Variants in BPIFA1 observed in about 807,000 individuals in gnomAD.
The protein encoded by BPIFA1 is BPI fold containing family A member 1.
A neutral mutation model predicts 25.1 loss-of-function variants in BPIFA1; 24 were observed. The ratio of observed to expected loss-of-function variants is 0.96; its 90% CI spans 0.69 to 1.35. BPIFA1 has a LOEUF of 1.35. Among genes scored for constraint, BPIFA1 ranks in the 40% most tolerant of loss-of-function variants. The probability of loss-of-function intolerance (pLI) is 0.00; values close to 1 mark genes in which losing one functional copy is unlikely to be tolerated. For missense variants in BPIFA1, 344 were observed against 303.7 expected (o/e 1.13, Z -0.99); for synonymous variants, 139 against 131.8 (o/e 1.05, Z -0.37).
chr20:33,238,147 G>T lies in BPIFA1; in HGVS notation c.253G>T (p.Gly85Cys), dbSNP rs1978788287. The change falls in exon 3 of 9, where the codon GGT (glycine) becomes TGT (cysteine). Residue 85 changes from glycine to cysteine, a missense_variant. Gly to Cys is a radical substitution (Grantham distance 159, BLOSUM62 -3). Transcript: ENST00000354297. ...CCTGAAGCCTGGAGGAGGTACTTCT[G>T]GTGGCCTCCTTGGGGGACTGCTTGG... is the stretch of plus-strand genomic sequence containing the variant. ...DILKPGGGTS[G>C]GLLGGLLGKV... 1.2e-6 allele frequency: 2 copies of T among 1,613,832 alleles called. No homozygotes were observed. Among genetic ancestry groups the T allele is most frequent in the Non-Finnish European group, 1.7e-6 (2 of 1,179,936 alleles).
chr20:33,241,953 T>G (rs920227427), intron 6 of BPIFA1, 103 bp from the exon 7 acceptor site: 2 of 1,053,914 alleles, frequency 1.9e-6, no homozygotes, highest in African/African-American at 1.6e-5. Context: ...AGAATCACTT[T>G]CACACAGAAA....
rs150989115 is a variant in BPIFA1, at chr20:33,239,848, G to A, written c.366G>A (p.Gln122=). The change falls in exon 4 of 9, where the codon CAG becomes CAA. Residue 122 remains glutamine (Q), a synonymous_variant. Transcript: ENST00000354297. ...DPQLLELGLV[Q]SPDGHRLYVT... The stretch of plus-strand genomic sequence containing the variant: ...AGCTGCTGGAACTTGGCCTTGTGCA[G>A]AGCCCTGATGGCCACCGTCTCTATG... 2.0e-5 allele frequency: 33 copies of A among 1,614,198 alleles called. No individual in the cohort carries two copies. The African/African-American group carries it at 4.1e-4, about 20-fold the overall frequency.
At position 33,239,572 on chromosome 20, in the gene BPIFA1, A is replaced by G. The variant is rs1328615765; in HGVS notation, c.321-231A>G. Among the ~76,000 whole-genome samples the G allele has an allele frequency of 2.0e-5, 3 of 152,154 alleles. No individual in the cohort carries two copies. In the East Asian group the frequency reaches 5.8e-4, roughly 29 times the overall value. ...GTCCTGAATACCTCATAGACTGGAGATAAGGAAAGGGCCCTGTGTGTGTGT... is the reference window on the plus strand; with the variant it reads ...GTCCTGAATACCTCATAGACTGGAGGTAAGGAAAGGGCCCTGTGTGTGTGT... On this transcript the variant is annotated intron_variant, in intron 3 of 8. Coordinates refer to ENST00000354297, the MANE Select transcript of BPIFA1 (RefSeq NM_130852.3).
chr20:33,237,622 C>T (rs1978739144), intron 1 of BPIFA1, 75 bp from the exon 2 acceptor site: 7 of 1,238,194 alleles, frequency 5.7e-6, no homozygotes, highest in East Asian at 2.8e-5. Flanking sequence ...CCCCACCCCC[C>T]AGGTGTCAGG....
Position 33,241,454 on chromosome 20 carries a change from G to C in BPIFA1, c.651G>C (p.Glu217Asp). 1 of 1,613,974 alleles carries C rather than the reference G, an allele frequency of 6.2e-7. No homozygotes were observed. The highest frequency in any genetic ancestry group is 1.1e-5 in the South Asian group (1 of 91,082). The change falls in exon 6 of 9, where the codon GAG becomes GAC. Residue 217 changes from glutamate (E) to aspartate (D), a missense_variant. By Grantham distance (45) the Glu-to-Asp change is conservative. Coordinates refer to ENST00000354297, the MANE Select transcript of BPIFA1 (RefSeq NM_130852.3). ...LTGILNKVLP[E>D]LVQGNVCPLV... is the part of the protein sequence containing the mutation. ...GGATCTTGAATAAAGTCCTGCCTGA[G>C]TTGGTTCAGGGCAACGTAAGTAGGC...
In BPIFA1 at chr20:33,242,557, A is replaced by G. The variant is rs779992912; in HGVS notation, c.*30A>G. ...TCCAGGAAGGGGCTGGCCTCTGCTGAGCTGGTAAGTGCCCTTCCCCACACC... is the reference window on the plus strand; with the variant it reads ...TCCAGGAAGGGGCTGGCCTCTGCTGGGCTGGTAAGTGCCCTTCCCCACACC... On this transcript the variant is annotated 3_prime_UTR_variant, in exon 8 of 9. Transcript: ENST00000354297. The G allele has an allele frequency of 5.6e-6, 9 of 1,611,524 alleles. No individual in the cohort carries two copies. The East Asian group carries it at 1.6e-4, about 28-fold the overall frequency.
intron 5 of BPIFA1, among the ~76,000 whole-genome samples, chr20:33,241,088 T>C (rs571607962): frequency 6.6e-6 from 1 of 152,374 alleles, no homozygotes; most frequent in East Asian, 1.9e-4. Flanking sequence ...TGGATCATAA[T>C]GACAACTACA....
At chr20:33,240,680 T>TAGAC (rs1402040472) in intron 5 of BPIFA1, among the ~76,000 whole-genome samples, 1 of 146,132 alleles carries the variant, frequency 6.8e-6, no homozygotes, top group Non-Finnish European at 1.5e-5. Flanking sequence ...GATAGATAGA[T>TAGAC]AGATAGATAA....
rs768693887 is a variant in BPIFA1, at chr20:33,238,237, T to C, written c.320+23T>C. On this transcript the variant is annotated intron_variant, in intron 3 of 8. Coordinates refer to ENST00000354297, the MANE Select transcript of BPIFA1 (RefSeq NM_130852.3). ...TGAGTGAGTTGTCCTAAAATAGAGC[T>C]TTGATCTCCACCAGGGAACCCCAGG... 10 of 1,597,682 alleles carry C rather than the reference T, an allele frequency of 6.3e-6. No homozygotes were observed. The East Asian group carries it at 6.7e-5, about 11-fold the overall frequency.
At position 33,240,276 on chromosome 20, in the gene BPIFA1, G is replaced by C. The variant is rs1978897019; in HGVS notation, c.472G>C (p.Asp158His). The C allele has an allele frequency of 6.2e-7, 1 of 1,614,156 alleles. No individual in the cohort carries two copies. Among genetic ancestry groups the C allele is most frequent in the Non-Finnish European group, 8.5e-7 (1 of 1,180,022 alleles). The change falls in exon 5 of 9, where the codon GAC (aspartate) becomes CAC (histidine). Residue 158 changes from aspartate to histidine, a missense_variant. Asp to His is a moderately conservative substitution (Grantham distance 81). Coordinates refer to ENST00000354297, the MANE Select transcript of BPIFA1 (RefSeq NM_130852.3). ...TCTGTTGAGGCTGGCTGTGAAGCTG[G>C]ACATCACTGCAGAAATCTTAGCTGT... ...ASLLRLAVKL[D>H]ITAEILAVRD...
At chr20:33,238,879 CCCAGGGTCTCACT>C (rs1978823974) in intron 3 of BPIFA1, among the ~76,000 whole-genome samples, 1 of 152,202 alleles carries the variant, frequency 6.6e-6, no homozygotes, top group Admixed American at 6.5e-5. Context: ...ATCCTACCCA[CCCAGGGTCTCACT>C]CCCTGACTTG....
chr20:33,238,254 A>G lies in BPIFA1; in HGVS notation c.320+40A>G, dbSNP rs73904645. ...AATAGAGCTTTGATCTCCACCAGGG[A>G]ACCCCAGGTGAAGATCTGCCAGCCC... On this transcript the variant is annotated intron_variant, in intron 3 of 8. Coordinates refer to ENST00000354297, the MANE Select transcript of BPIFA1 (RefSeq NM_130852.3). 6.8e-5 allele frequency: 107 copies of G among 1,575,922 alleles called. No individual in the cohort carries two copies. The African/African-American group carries it at 1.3e-3, about 19-fold the overall frequency.
Position 33,240,312 on chromosome 20 carries a change from C to G in BPIFA1, c.508C>G (p.Gln170Glu). Residue 170 changes from glutamine (Q) to glutamate (E), a missense_variant, in exon 5 of 9, where the codon CAG becomes GAG. Gln to Glu is a conservative substitution (Grantham distance 29). Transcript: ENST00000354297. ...AGAAATCTTAGCTGTGAGAGATAAG[C>G]AGGAGAGGATCCACCTGGTCCTTGG... ...TAEILAVRDK[Q>E]ERIHLVLGDC... 6.2e-7 allele frequency: 1 copy of G among 1,614,164 alleles called. No individual in the cohort carries two copies. Among genetic ancestry groups the G allele is most frequent in the Non-Finnish European group, 8.5e-7 (1 of 1,180,044 alleles).
intron 1 of BPIFA1, among the ~76,000 whole-genome samples, chr20:33,236,912 G>A (rs1181381553): frequency 6.6e-6 from 1 of 152,126 alleles, no homozygotes; most frequent in Non-Finnish European, 1.5e-5. Flanking sequence ...AGGTCTACAT[G>A]AGATGGTGGC....
At position 33,241,445 on chromosome 20, in the gene BPIFA1, C is replaced by T; in HGVS notation, c.642C>T (p.Val214=). Residue 214 remains valine, a synonymous_variant, in exon 6 of 9, where the codon GTC becomes GTT. Transcript: ENST00000354297. ...GCCTCACAGGGATCTTGAATAAAGT[C>T]CTGCCTGAGTTGGTTCAGGGCAACG... ...LDSLTGILNK[V]LPELVQGNVC... 6.2e-7 allele frequency: 1 copy of T among 1,614,132 alleles called. No individual in the cohort carries two copies. Among genetic ancestry groups the T allele is most frequent in the South Asian group, 1.1e-5 (1 of 91,086 alleles).
chr20:33,238,314 G>A (rs971278441), intron 3 of BPIFA1, 100 bp downstream of exon 3: 2 of 1,368,370 alleles, frequency 1.5e-6, no homozygotes, highest in Non-Finnish European at 2.0e-6. Context: ...CCCTGAAGCA[G>A]CGAGGGAGCG....
intron 2 of BPIFA1, 28 bp downstream of exon 2, chr20:33,237,899 TGTGTGTG>T: frequency 1.6e-4 from 5 of 31,662 alleles, no homozygotes; most frequent in East Asian, 0.024. Context: ...TATGTGTGCA[TGTGTGTG>T]TGTGTGTGTG....
intron 5 of BPIFA1, among the ~76,000 whole-genome samples, 192 bp downstream of exon 5, chr20:33,240,577 T>TGGAC (rs1408194932): frequency 1.3e-5 from 2 of 150,056 alleles, no homozygotes; most frequent in South Asian, 4.2e-4. Context: ...GATGGATGGA[T>TGGAC]GGACAGATGG....
intron 5 of BPIFA1, among the ~76,000 whole-genome samples, chr20:33,240,923 C>T (rs1978947615): frequency 6.6e-6 from 1 of 152,024 alleles, no homozygotes; most frequent in Admixed American, 6.6e-5. Flanking sequence ...GTGCTTTGTC[C>T]CAGTAAGGGG....
Sources: gnomAD v4.1 joint callset for allele counts (sites outside exome capture counted in the v4.1 genomes callset) on GRCh38, gnomAD v4.1.1 for gene constraint, MANE v1.5 for transcripts, NCBI Gene and HGNC (gene_info 2026-07-23, HGNC 2026-07-21) for gene names.